POLR1D: variants seen among roughly 807,000 people sequenced by gnomAD.
POLR1D encodes the protein RNA polymerase I and III subunit D, also known as DNA-directed RNA polymerases I and III subunit RPAC2.
In POLR1D, 8 loss-of-function variants were observed where a neutral mutation model predicts 10.8. That is an observed-to-expected ratio of 0.74 (90% confidence interval 0.43 to 1.33). The LOEUF is 1.33. Among genes scored for constraint, POLR1D ranks in the 40% most tolerant of loss-of-function variants. The probability of loss-of-function intolerance (pLI) is 0.01; values close to 1 mark genes in which losing one functional copy is unlikely to be tolerated. For missense variants in POLR1D, 152 were observed against 161.7 expected, an observed-to-expected ratio of 0.94 and a Z score of 0.32; for synonymous variants, 54 against 57.2, an observed-to-expected ratio of 0.94 and a Z score of 0.25.
downstream of POLR1D, among the ~76,000 whole-genome samples, chr13:27,627,016 T>C (rs900277737): frequency 2.6e-5 from 4 of 152,212 alleles, no homozygotes; most frequent in South Asian, 2.1e-4. Flanking sequence ...ACTCTTCTTT[T>C]AGTTTCCCTT....
chr13:27,621,375 C>G (rs2232670), upstream of POLR1D: 1 of 152,428 alleles, frequency 6.6e-6, no homozygotes, highest in Non-Finnish European at 1.5e-5. Context: ...GAAACAAATA[C>G]CGCCTTCAAC....
chr13:27,665,773 T>C, exon 3 of POLR1D: 1 of 1,613,758 alleles, frequency 6.2e-7, no homozygotes, highest in Non-Finnish European at 8.5e-7. Flanking sequence ...AGCAAGACCA[T>C]GAACAAAAAG....
At chr13:27,628,520 C>A (rs1396881021) in intron 1 of POLR1D, among the ~76,000 whole-genome samples, 1 of 151,974 alleles carries the variant, frequency 6.6e-6, no homozygotes, top group Non-Finnish European at 1.5e-5. Context: ...AGAGAGAGAC[C>A]AAGGATAAAA....
At chr13:27,631,002 T>C (rs1032339041) in intron 1 of POLR1D, among the ~76,000 whole-genome samples, 1 of 152,204 alleles carries the variant, frequency 6.6e-6, no homozygotes, top group African/African-American at 2.4e-5. Flanking sequence ...CCCGAACCTC[T>C]CTTCCCCTAA....
At chr13:27,631,553 A>G (rs562829802) in intron 1 of POLR1D, among the ~76,000 whole-genome samples, 32 of 152,292 alleles carry the variant, frequency 2.1e-4, no homozygotes, top group Middle Eastern at 3.4e-3. Flanking sequence ...AGTGGCATGC[A>G]CACCCACATA....
At chr13:27,651,614 T>G (rs972072413) in intron 2 of POLR1D, 1 of 152,126 alleles carries the variant, frequency 6.6e-6, no homozygotes, top group Admixed American at 6.6e-5. Context: ...TAGTAAATAA[T>G]AGATATATTA....
At chr13:27,631,899 A>G (rs1956076815) in intron 1 of POLR1D, among the ~76,000 whole-genome samples, 1 of 152,150 alleles carries the variant, frequency 6.6e-6, no homozygotes, top group Admixed American at 6.5e-5. Flanking sequence ...GACATTTGCA[A>G]CTCAGAAAGC....
At chr13:27,623,479 C>G, downstream of POLR1D, 1 of 889,076 alleles carries the variant, frequency 1.1e-6, no homozygotes, top group Non-Finnish European at 1.5e-6. Context: ...TTCCATGCAA[C>G]CAAATGGTCC....
At chr13:27,635,723 T>TATATAC (rs1457271831) in intron 1 of POLR1D, among the ~76,000 whole-genome samples, 54 of 106,708 alleles carry the variant, frequency 5.1e-4, no homozygotes, top group Admixed American at 2.8e-3. Context: ...TATATATATA[T>TATATAC]ATACATACAC....
At chr13:27,664,036 A>G (rs752463567) in intron 2 of POLR1D, among the ~76,000 whole-genome samples, 2 of 152,116 alleles carry the variant, frequency 1.3e-5, no homozygotes, top group Non-Finnish European at 2.9e-5. Context: ...ACTGTTCTGA[A>G]TCATTGCTGA....
At chr13:27,659,639 A>G (rs1956340922) in intron 2 of POLR1D, among the ~76,000 whole-genome samples, 1 of 152,132 alleles carries the variant, frequency 6.6e-6, no homozygotes, top group African/African-American at 2.4e-5. Flanking sequence ...ATATCCAGTT[A>G]TGAAAGTGAA....
intron 2 of POLR1D, chr13:27,650,374 T>TGATG (rs544933989): frequency 2.7e-4 from 70 of 263,150 alleles, no homozygotes; most frequent in Middle Eastern, 1.1e-3. Flanking sequence ...TAGGTTTGAT[T>TGATG]GATGGATGGA....
intron 1 of POLR1D, chr13:27,646,086 G>A (rs1022082730): frequency 3.3e-5 from 5 of 152,066 alleles, no homozygotes; most frequent in African/African-American, 1.2e-4. Flanking sequence ...AGTTTTTATG[G>A]GAAAACACAT....
intron 1 of POLR1D, among the ~76,000 whole-genome samples, chr13:27,643,042 A>T (rs937578961): frequency 3.9e-5 from 6 of 152,124 alleles, no homozygotes; most frequent in African/African-American, 1.4e-4. Flanking sequence ...TCTGTTTGTT[A>T]TTTTATAAAT....
chr13:27,656,435 G>C (rs1956308815), intron 2 of POLR1D, among the ~76,000 whole-genome samples: 1 of 152,024 alleles, frequency 6.6e-6, no homozygotes, highest in Admixed American at 6.5e-5. Flanking sequence ...GTACTTAGCA[G>C]AGCTAGGCTC....
intron 1 of POLR1D, among the ~76,000 whole-genome samples, chr13:27,633,476 A>G (rs964259388): frequency 1.3e-5 from 2 of 152,236 alleles, no homozygotes; most frequent in Non-Finnish European, 2.9e-5. Flanking sequence ...TTTTGCCCTT[A>G]CTTTGTGAAA....
At chr13:27,659,043 T>C (rs1365828190) in intron 2 of POLR1D, among the ~76,000 whole-genome samples, 6 of 152,198 alleles carry the variant, frequency 3.9e-5, no homozygotes, top group Non-Finnish European at 1.5e-5. Flanking sequence ...TTTTTATGCT[T>C]TTCTGTTTGG....
At position 27,621,940 on chromosome 13, in the gene POLR1D, C is replaced by G; in HGVS notation, c.-44C>G. The G allele has an allele frequency of 1.9e-6, 3 of 1,574,512 alleles. No individual in the cohort carries two copies. The highest frequency in any genetic ancestry group is 4.6e-5 in the East Asian group (2 of 43,400). On this transcript the variant is annotated 5_prime_UTR_variant, in exon 1 of 2. Transcript: ENST00000302979. ...CGCCTCGCGCTATGGGACAGAGCCCCCGATCCGCCAGCACCACCTGAGGAT... is the reference window on the plus strand; with the variant it reads ...CGCCTCGCGCTATGGGACAGAGCCCGCGATCCGCCAGCACCACCTGAGGAT...
At chr13:27,654,848 C>A (rs1381116648) in intron 2 of POLR1D, among the ~76,000 whole-genome samples, 1 of 152,178 alleles carries the variant, frequency 6.6e-6, no homozygotes, top group Non-Finnish European at 1.5e-5. Flanking sequence ...TCATCACTGC[C>A]TTGTTTCTTG....
Sources: gnomAD v4.1 joint callset for allele counts (sites outside exome capture counted in the v4.1 genomes callset) on GRCh38, gnomAD v4.1.1 for gene constraint, MANE v1.5 for transcripts, NCBI Gene and HGNC (gene_info 2026-07-23, HGNC 2026-07-21) for gene names.